ALLC: variants seen among roughly 807,000 people sequenced by gnomAD.
ALLC encodes the protein allantoicase.
ALLC carries 40 observed loss-of-function variants against 45.0 expected under a neutral mutation model. The ratio of observed to expected loss-of-function variants is 0.89; its 90% CI spans 0.69 to 1.16. The LOEUF (loss-of-function observed/expected upper bound fraction) is 1.16. Ranked by LOEUF, ALLC falls within the 50% of genes most tolerant of loss-of-function variation. ALLC has a pLI of 0.00. For synonymous variants in ALLC, 176 were observed against 178.1 expected, an observed-to-expected ratio of 0.99 and a Z score of 0.09; for missense variants, 488 against 493.1, an observed-to-expected ratio of 0.99 and a Z score of 0.10.
intron 1 of ALLC, among the ~76,000 whole-genome samples, chr2:3,664,575 T>C (rs1666648465): frequency 6.6e-6 from 1 of 152,190 alleles, no homozygotes; most frequent in Non-Finnish European, 1.5e-5. Context: ...GTTAAATTCA[T>C]TTCTGCCAAT....
At chr2:3,649,752 G>C in the ALLC span, among the ~76,000 whole-genome samples, 1 of 152,238 alleles carries the variant, frequency 6.6e-6, no homozygotes, top group South Asian at 2.1e-4. Context: ...CACTCACACA[G>C]GGACCGGGCA....
intron 1 of ALLC, among the ~76,000 whole-genome samples, chr2:3,667,946 G>A (rs1280255859): frequency 6.6e-6 from 1 of 152,176 alleles, no homozygotes; most frequent in Non-Finnish European, 1.5e-5. Flanking sequence ...TGTATATTCA[G>A]TAGAGATGGG....
At chr2:3,650,992 C>G in the ALLC span, among the ~76,000 whole-genome samples, 1 of 152,338 alleles carries the variant, frequency 6.6e-6, no homozygotes, top group East Asian at 1.9e-4. Flanking sequence ...ACTGCAGAAT[C>G]TGATCTGCAA....
rs1160404692 is a variant in ALLC at position 3,676,953 on chromosome 2, A to T, written c.85-1515A>T. ...CAGGCACCCGCCACCACGCCCAGCT[A>T]ATTTTTGTATTTTTAGTAGAGAGGG... On this transcript the variant is annotated intron_variant, in intron 3 of 11. Transcript: ENST00000252505. 2.0e-5 allele frequency among the ~76,000 whole-genome samples: 3 copies of T among 151,852 alleles called. No individual in the cohort carries two copies. The East Asian group carries it at 5.8e-4, about 29-fold the overall frequency.
chr2:3,693,015 A>G (rs1054187702), intron 7 of ALLC, among the ~76,000 whole-genome samples: 3 of 152,166 alleles, frequency 2.0e-5, no homozygotes, highest in Non-Finnish European at 4.4e-5. Context: ...CCCTGCAACC[A>G]TGGGCTGCAC....
chr2:3,696,172 G>C (rs2148020860), intron 8 of ALLC, 103 bp from the exon 9 acceptor site: 1 of 896,018 alleles, frequency 1.1e-6, no homozygotes, highest in East Asian at 2.6e-5. Context: ...AACTTATGTA[G>C]CAATGCTCAG....
At chr2:3,701,749 C>T (rs1335757843) in intron 11 of ALLC, 113 bp downstream of exon 11, 29 of 1,283,154 alleles carry the variant, frequency 2.3e-5, no homozygotes, top group East Asian at 2.1e-4. Flanking sequence ...AATGGTAAAA[C>T]GAATGAGGTT....
chr2:3,676,780 T>TTCTC (rs113394246), intron 3 of ALLC, among the ~76,000 whole-genome samples: 4 of 151,180 alleles, frequency 2.6e-5, no homozygotes, highest in African/African-American at 7.3e-5. Flanking sequence ...AGTCCTTGGT[T>TTCTC]TCTCTCTCTC....
intron 7 of ALLC, among the ~76,000 whole-genome samples, chr2:3,683,938 C>G (rs1047141544): frequency 6.6e-6 from 1 of 152,198 alleles, no homozygotes; most frequent in African/African-American, 2.4e-5. Flanking sequence ...CACTTCTGGT[C>G]TCAAGCATTT....
chr2:3,700,115 G>A (rs1049823168), intron 10 of ALLC, among the ~76,000 whole-genome samples: 2 of 152,068 alleles, frequency 1.3e-5, no homozygotes, highest in Non-Finnish European at 2.9e-5. Flanking sequence ...TATCTTCCAG[G>A]GTGTTTATAG....
Position 3,669,297 on chromosome 2 carries a change from C to G in ALLC, c.-62-1799C>G, listed in dbSNP as rs184781073. On this transcript the variant is annotated intron_variant, in intron 1 of 11. Transcript: ENST00000252505. ...GACCATCCTGGCCAGCATGGTAAAA[C>G]CCCGTCTCTACTAAAAATACAAAAA... Among the ~76,000 whole-genome samples the G allele has an allele frequency of 4.8e-3, 735 of 152,242 alleles. 4 individuals are homozygous for G. Among genetic ancestry groups the G allele is most frequent in the Non-Finnish European group, 8.5e-3 (576 of 68,016 alleles).
rs77299712 is a variant in ALLC at position 3,677,996 on chromosome 2, A to G, written c.85-472A>G. ...AAGGAGGCTGTGTGGGGCATCAGAG[A>G]CCATGCATTTCCTCAGGGGGTTGCA... On this transcript the variant is annotated intron_variant, in intron 3 of 11. Transcript: ENST00000252505. 9.3e-4 allele frequency among the ~76,000 whole-genome samples: 142 copies of G among 152,298 alleles called. 4 individuals carry two copies. The East Asian group carries it at 0.025, about 27-fold the overall frequency.
At chr2:3,693,235 G>A (rs1277147008) in intron 7 of ALLC, among the ~76,000 whole-genome samples, 2 of 152,206 alleles carry the variant, frequency 1.3e-5, no homozygotes, top group Non-Finnish European at 2.9e-5. Flanking sequence ...CAGCTCCACT[G>A]AGGAACAGGA....
chr2:3,651,319 G>GGT, the ALLC span, among the ~76,000 whole-genome samples: 2 of 48,490 alleles, frequency 4.1e-5, no homozygotes, highest in South Asian at 6.4e-4. Flanking sequence ...TGGGTGGGGG[G>GGT]GGTGTGTGTG....
At chr2:3,655,375 C>T (rs541663037), upstream of ALLC, among the ~76,000 whole-genome samples, 9 of 152,320 alleles carry the variant, frequency 5.9e-5, no homozygotes, top group East Asian at 1.7e-3. Flanking sequence ...CAGGCTGGCA[C>T]ATGTGTCCCA....
At chr2:3,651,425 GTGTGTGTGTGTGTGTGT>G in the ALLC span, among the ~76,000 whole-genome samples, 10 of 58,440 alleles carry the variant, frequency 1.7e-4, no homozygotes, top group Non-Finnish European at 2.8e-4. Flanking sequence ...GTGTGTGTGT[GTGTGTGTGTGTGTGTGT>G]TAGGAAGGGA....
chr2:3,654,892 G>T (rs961136414), upstream of ALLC, among the ~76,000 whole-genome samples: 1 of 152,238 alleles, frequency 6.6e-6, no homozygotes, highest in African/African-American at 2.4e-5. Context: ...ATAAAGAAGC[G>T]CTTTGCATTG....
chr2:3,654,187 A>T (rs1378996367), upstream of ALLC, among the ~76,000 whole-genome samples: 2 of 152,230 alleles, frequency 1.3e-5, no homozygotes. Context: ...GGGCTGCTGC[A>T]TGACCCTATG....
intron 7 of ALLC, among the ~76,000 whole-genome samples, chr2:3,686,398 C>T (rs1316169013): frequency 6.6e-6 from 1 of 150,484 alleles, no homozygotes; most frequent in Non-Finnish European, 1.5e-5. Flanking sequence ...TAGTGTGATG[C>T]CTTCAGCTTT....
Sources: gnomAD v4.1 joint callset for allele counts (sites outside exome capture counted in the v4.1 genomes callset) on GRCh38, gnomAD v4.1.1 for gene constraint, MANE v1.5 for transcripts, NCBI Gene and HGNC (gene_info 2026-07-23, HGNC 2026-07-21) for gene names.